Variants in USP34 observed in about 807,000 individuals in gnomAD.
USP34 encodes the protein ubiquitin carboxyl-terminal hydrolase 34.
A neutral mutation model predicts 460.3 loss-of-function variants in USP34; 70 were observed. The ratio of observed to expected loss-of-function variants is 0.15; its 90% CI spans 0.13 to 0.19. The LOEUF is 0.19. USP34 is among the 10% of genes least tolerant of loss of function. The pLI is 1.00. For synonymous variants in USP34, 1,647 were observed against 1,405.3 expected (o/e 1.17, Z -3.85); for missense variants, 3,985 against 4,236.2 (o/e 0.94, Z 1.65).
rs761599659 is a variant in USP34, at chr2:61,259,696, G to C, written c.5844+15C>G. ...CCACAGTGCCTGGCCTAGCCTCCAT[G>C]ATTCTTAAACATACCATTAAATATG... On this transcript the variant is annotated intron_variant, in intron 44 of 79. Transcript: ENST00000398571. The C allele has an allele frequency of 8.1e-6, 13 of 1,610,440 alleles. No individual in the cohort carries two copies. Among genetic ancestry groups the C allele is most frequent in the East Asian group, 2.2e-5 (1 of 44,856 alleles).
chr2:61,262,160 G>C (rs1309213477), intron 43 of USP34, among the ~76,000 whole-genome samples: 1 of 124,710 alleles, frequency 8.0e-6, no homozygotes, highest in South Asian at 2.5e-4. Flanking sequence ...GATAGATATA[G>C]AAATATATGT....
At chr2:61,362,195 T>C (rs996266268) in intron 10 of USP34, among the ~76,000 whole-genome samples, 5 of 152,190 alleles carry the variant, frequency 3.3e-5, no homozygotes, top group African/African-American at 7.2e-5. Context: ...GGAATCCTTA[T>C]ACACTGTTGG....
chr2:61,243,502 G>A (rs544143366), intron 51 of USP34, among the ~76,000 whole-genome samples: 17 of 151,174 alleles, frequency 1.1e-4, no homozygotes, highest in African/African-American at 4.1e-4. Context: ...AAAAAAAAGT[G>A]GACCTGCAAT....
chr2:61,246,543 T>A (rs1337014433), intron 49 of USP34, 66 bp from the exon 50 acceptor site: 7 of 1,104,406 alleles, frequency 6.3e-6, no homozygotes, highest in Non-Finnish European at 8.3e-6. Flanking sequence ...AGAAACACTT[T>A]TTAAAATAAA....
At chr2:61,291,726 T>C (rs1386272730) in intron 33 of USP34, among the ~76,000 whole-genome samples, 1 of 152,150 alleles carries the variant, frequency 6.6e-6, no homozygotes. Context: ...ACCACTTAAG[T>C]ATTGGCAAGG....
intron 16 of USP34, among the ~76,000 whole-genome samples, chr2:61,341,316 C>T (rs1558538452): frequency 1.3e-5 from 2 of 151,950 alleles, no homozygotes; most frequent in African/African-American, 4.8e-5. Context: ...AAACCTAAGG[C>T]AAAAAAACTG....
chr2:61,285,494 A>G (rs1372502655), intron 34 of USP34, among the ~76,000 whole-genome samples: 1 of 151,434 alleles, frequency 6.6e-6, no homozygotes, highest in African/African-American at 2.4e-5. Flanking sequence ...CTCAAAAAAA[A>G]AAAAAAAAAA....
chr2:61,377,146 C>T (rs187016294), intron 8 of USP34, among the ~76,000 whole-genome samples: 7 of 152,122 alleles, frequency 4.6e-5, no homozygotes, highest in Non-Finnish European at 1.5e-5. Context: ...ACATAAAGAA[C>T]AACTGGGAGA....
At chr2:61,450,982 G>A (rs1433009819) in intron 1 of USP34, among the ~76,000 whole-genome samples, 1 of 151,550 alleles carries the variant, frequency 6.6e-6, no homozygotes, top group Non-Finnish European at 1.5e-5. Flanking sequence ...CACTTTGGGA[G>A]GCCAAGGCAG....
At chr2:61,359,756 C>G (rs189037394) in intron 10 of USP34, among the ~76,000 whole-genome samples, 1 of 150,360 alleles carries the variant, frequency 6.7e-6, no homozygotes, top group African/African-American at 2.4e-5. Flanking sequence ...GCATAAGAGG[C>G]CATATATGAA....
intron 1 of USP34, among the ~76,000 whole-genome samples, chr2:61,465,853 T>A (rs550650256): frequency 1.1e-4 from 16 of 151,904 alleles, no homozygotes; most frequent in African/African-American, 3.6e-4. Flanking sequence ...AGCGGGCGCC[T>A]GTAGTTCCAG....
intron 5 of USP34, among the ~76,000 whole-genome samples, chr2:61,391,617 A>G (rs936776061): frequency 1.3e-5 from 2 of 152,146 alleles, no homozygotes; most frequent in African/African-American, 4.8e-5. Context: ...TAGAGACCTC[A>G]CCCTATTGAA....
chr2:61,303,285 T>G (rs1690287133), intron 27 of USP34, among the ~76,000 whole-genome samples: 1 of 152,080 alleles, frequency 6.6e-6, no homozygotes, highest in Non-Finnish European at 1.5e-5. Context: ...AGGCTGGTCT[T>G]GAACTCTTGA....
At chr2:61,219,649 C>CA (rs1687501283) in intron 67 of USP34, among the ~76,000 whole-genome samples, 1 of 142,376 alleles carries the variant, frequency 7.0e-6, no homozygotes, top group South Asian at 2.2e-4. Flanking sequence ...CCAGCCTGAG[C>CA]AACAGAGTGA....
At chr2:61,358,305 TG>T (rs1327081940) in intron 10 of USP34, among the ~76,000 whole-genome samples, 1 of 151,806 alleles carries the variant, frequency 6.6e-6, no homozygotes, top group Non-Finnish European at 1.5e-5. Context: ...AGCTAGACTA[TG>T]GGGAAAAAAA....
At chr2:61,237,246 G>A (rs962759758) in intron 53 of USP34, among the ~76,000 whole-genome samples, 1 of 152,094 alleles carries the variant, frequency 6.6e-6, no homozygotes, top group African/African-American at 2.4e-5. Context: ...TCTGTATCAG[G>A]CAGAGTCTGA....
intron 75 of USP34, chr2:61,200,152 A>G (rs922810555): frequency 2.6e-5 from 4 of 152,384 alleles, no homozygotes; most frequent in African/African-American, 9.7e-5. Flanking sequence ...CCTGGGCTAA[A>G]GTGATCCTTC....
chr2:61,303,326 A>T (rs1690288628), intron 27 of USP34, among the ~76,000 whole-genome samples: 1 of 152,152 alleles, frequency 6.6e-6, no homozygotes, highest in South Asian at 2.1e-4. Context: ...TCGGCCCCCC[A>T]AAGTGCTGGG....
intron 41 of USP34, among the ~76,000 whole-genome samples, chr2:61,269,323 A>ATT (rs397869885): frequency 5.0e-4 from 68 of 134,996 alleles, no homozygotes; most frequent in East Asian, 6.3e-4. Context: ...ACCTTGGCTA[A>ATT]TTTTTTTTTT....
Sources: allele counts gnomAD v4.1 joint callset (sites outside exome capture counted in the v4.1 genomes callset), GRCh38; gene constraint gnomAD v4.1.1; transcripts MANE v1.5; gene names NCBI Gene and HGNC (gene_info 2026-07-23, HGNC 2026-07-21).